Variants in RBFOX1 observed in about 807,000 individuals in gnomAD.
RBFOX1 encodes the protein RNA binding protein fox-1 homolog 1.
A neutral mutation model predicts 57.7 loss-of-function variants in RBFOX1; 8 were observed. The observed-to-expected ratio is 0.14, with a 90% CI of 0.08 to 0.25. The LOEUF is 0.25. Among genes scored for constraint, RBFOX1 ranks in the 10% least tolerant of loss-of-function variants. The pLI is 1.00. For missense variants in RBFOX1, 611 were observed against 548.5 expected, an observed-to-expected ratio of 1.11 and a Z score of -1.14; for synonymous variants, 326 against 222.4, an observed-to-expected ratio of 1.47 and a Z score of -4.15.
At chr16:6,719,496 A>C (rs2065509973) in intron 3 of RBFOX1, among the ~76,000 whole-genome samples, 1 of 151,222 alleles carries the variant, frequency 6.6e-6, no homozygotes. Flanking sequence ...GATGGGGTGC[A>C]GTGGCATGAT....
intron 1 of RBFOX1, among the ~76,000 whole-genome samples, chr16:5,367,277 A>G (rs1596685461): frequency 6.6e-6 from 1 of 152,200 alleles, no homozygotes; most frequent in Non-Finnish European, 1.5e-5. Context: ...TGTGTGCAGT[A>G]TTAGAAATCA....
intron 1 of RBFOX1, among the ~76,000 whole-genome samples, chr16:6,134,381 A>G (rs944089433): frequency 6.6e-6 from 1 of 152,226 alleles, no homozygotes; most frequent in Admixed American, 6.5e-5. Context: ...TTGCACCCCA[A>G]GAACCGATTA....
chr16:5,484,963 G>A (rs1027969706), intron 2 of RBFOX1, among the ~76,000 whole-genome samples: 4 of 151,982 alleles, frequency 2.6e-5, no homozygotes, highest in African/African-American at 9.7e-5. Flanking sequence ...GGAGTCTGAA[G>A]CAAGAGGATT....
At chr16:7,522,550 G>T (rs79195920) in intron 5 of RBFOX1, among the ~76,000 whole-genome samples, 4,638 of 152,262 alleles carry the variant, frequency 0.03, 268 homozygotes, top group African/African-American at 0.11. Flanking sequence ...GTTGGAGTGG[G>T]TGGGCATTGC....
In RBFOX1 at chr16:5,864,219, G is replaced by A. The variant is rs181001356; in HGVS notation, c.319-3084G>A. The stretch of plus-strand genomic sequence containing the variant: ...GGCCTCCAGCTCCATCGATGTCCCT[G>A]CGAAGTCCATGATCACAACACTATT... On this transcript the variant is annotated intron_variant, in intron 3 of 19. Coordinates refer to the RBFOX1 transcript ENST00000641259. Among the ~76,000 whole-genome samples, 253 of 152,272 alleles carry A rather than the reference G, an allele frequency of 1.7e-3. 1 individual carries two copies. The highest frequency in any genetic ancestry group is 4.8e-3 in the African/African-American group (200 of 41,556).
At chr16:6,929,612 T>G (rs1442423610) in intron 3 of RBFOX1, among the ~76,000 whole-genome samples, 1 of 152,120 alleles carries the variant, frequency 6.6e-6, no homozygotes, top group Non-Finnish European at 1.5e-5. Context: ...TTAAAAAAAG[T>G]CCCACCAAAT....
intron 1 of RBFOX1, among the ~76,000 whole-genome samples, chr16:5,291,964 T>C (rs1234679529): frequency 6.7e-6 from 1 of 149,874 alleles, no homozygotes; most frequent in Non-Finnish European, 1.5e-5. Context: ...ATGATGAAGA[T>C]GTCTAGACTT....
rs2083099626 is a variant in RBFOX1 at position 6,332,021 on chromosome 16, G to A, written c.-64+14964G>A. On this transcript the variant is annotated intron_variant, in intron 2 of 15. Coordinates refer to ENST00000550418, the MANE Select transcript of RBFOX1 (RefSeq NM_018723.4). ...GAAAAGAAACAAGCGATGCCTGCAG[G>A]AGATAGGGCTGTCTCAGCGGTTTGT... Among the ~76,000 whole-genome samples the A allele has an allele frequency of 4.6e-5, 7 of 152,186 alleles. No homozygotes were observed. The South Asian group carries it at 1.2e-3, about 27-fold the overall frequency.
chr16:7,503,560 T>G (rs1488918247), intron 4 of RBFOX1, among the ~76,000 whole-genome samples: 6 of 152,178 alleles, frequency 3.9e-5, no homozygotes, highest in Non-Finnish European at 8.8e-5. Context: ...TCATCTAAAT[T>G]TATCTTGAAT....
At chr16:5,391,484 A>G (rs369829187) in intron 1 of RBFOX1, among the ~76,000 whole-genome samples, 1 of 152,084 alleles carries the variant, frequency 6.6e-6, no homozygotes, top group African/African-American at 2.4e-5. Flanking sequence ...CTCCACTGGG[A>G]CCACCCAGAT....
chr16:7,155,279 G>A (rs1488751897), intron 4 of RBFOX1, among the ~76,000 whole-genome samples: 1 of 152,018 alleles, frequency 6.6e-6, no homozygotes, highest in South Asian at 2.1e-4. Flanking sequence ...AGAATAGCAA[G>A]TCTTGAGAAA....
At chr16:5,487,235 C>G (rs778758410) in intron 2 of RBFOX1, among the ~76,000 whole-genome samples, 2 of 152,220 alleles carry the variant, frequency 1.3e-5, no homozygotes, top group Non-Finnish European at 2.9e-5. Context: ...AAGTGCCCTA[C>G]TGGACTGAAG....
In RBFOX1 at chr16:7,185,149, A is replaced by G. The variant is rs554399704; in HGVS notation, c.27+133051A>G. Among the ~76,000 whole-genome samples the G allele has an allele frequency of 5.9e-5, 9 of 152,294 alleles. No individual in the cohort carries two copies. The South Asian group carries it at 1.2e-3, about 21-fold the overall frequency. On this transcript the variant is annotated intron_variant, in intron 4 of 15. Coordinates refer to ENST00000550418, the MANE Select transcript of RBFOX1 (RefSeq NM_018723.4). ...GGAAGAGCATATGGGAGCACTTTGC[A>G]AAGTGTCAACCGCAGAATAAGTGCT...
At chr16:7,688,565 G>A (rs1030593423) in intron 14 of RBFOX1, among the ~76,000 whole-genome samples, 1 of 152,020 alleles carries the variant, frequency 6.6e-6, no homozygotes, top group African/African-American at 2.4e-5. Context: ...TGAGAATTCA[G>A]CTGTGGGTAA....
chr16:5,251,858 A>C (rs1235186008), intron 1 of RBFOX1, among the ~76,000 whole-genome samples: 1 of 152,190 alleles, frequency 6.6e-6, no homozygotes, highest in African/African-American at 2.4e-5. Flanking sequence ...TACTATTATA[A>C]AATAAGCTAT....
At chr16:7,065,279 G>A (rs1715617937) in intron 4 of RBFOX1, among the ~76,000 whole-genome samples, 1 of 152,062 alleles carries the variant, frequency 6.6e-6, no homozygotes, top group Non-Finnish European at 1.5e-5. Context: ...GTGCCCGTGT[G>A]GTCCTTTTAG....
chr16:6,816,771 G>A (rs562564551), intron 3 of RBFOX1, among the ~76,000 whole-genome samples: 67 of 151,770 alleles, frequency 4.4e-4, no homozygotes, highest in East Asian at 2.1e-3. Context: ...AAGAAACAGG[G>A]TGTTGTTCTG....
At chr16:6,745,949 A>G (rs2073505312) in intron 3 of RBFOX1, among the ~76,000 whole-genome samples, 1 of 152,244 alleles carries the variant, frequency 6.6e-6, no homozygotes, top group Non-Finnish European at 1.5e-5. Flanking sequence ...ATGCAGTATC[A>G]ATATATGTAA....
In RBFOX1 at chr16:6,067,200, C is replaced by T. The variant is rs145748675; in HGVS notation, c.-127+47208C>T. Among the ~76,000 whole-genome samples the T allele has an allele frequency of 2.6e-3, 395 of 152,240 alleles. 2 individuals carry two copies. The highest frequency in any genetic ancestry group is 8.6e-3 in the African/African-American group (357 of 41,524). On this transcript the variant is annotated intron_variant, in intron 1 of 15. Coordinates refer to ENST00000550418, the MANE Select transcript of RBFOX1 (RefSeq NM_018723.4). Reference sequence around the variant, plus strand: ...TTAAAAATAGAACTCCTTACGTCCTCGATTCTTACCTACAGGGCATGCAGG... The same window carrying T: ...TTAAAAATAGAACTCCTTACGTCCTTGATTCTTACCTACAGGGCATGCAGG...
Sources: allele counts gnomAD v4.1 joint callset (sites outside exome capture counted in the v4.1 genomes callset), GRCh38; gene constraint gnomAD v4.1.1; transcripts MANE v1.5; gene names NCBI Gene and HGNC (gene_info 2026-07-23, HGNC 2026-07-21).